Variants in NCOR1 observed in about 807,000 individuals in gnomAD.
The protein encoded by NCOR1 is protein phosphatase 1, regulatory subunit 109.
In NCOR1, 63 loss-of-function variants were observed where a neutral mutation model predicts 288.1. The observed-to-expected ratio is 0.22, with a 90% CI of 0.18 to 0.27. NCOR1 has a LOEUF of 0.27. Among genes scored for constraint, NCOR1 ranks in the 10% least tolerant of loss-of-function variants. The pLI, the probability that NCOR1 is intolerant of heterozygous loss-of-function variation, is 1.00. For synonymous variants in NCOR1, 1,007 were observed against 1,065.9 expected (o/e 0.94, Z 1.08); for missense variants, 2,397 against 3,019.2 (o/e 0.79, Z 4.83).
chr17:16,041,554 T>C lies in NCOR1; in HGVS notation c.6680-1060A>G, dbSNP rs1489288107. Among the ~76,000 whole-genome samples, 8 of 146,818 alleles carry C rather than the reference T, an allele frequency of 5.4e-5. No homozygotes were observed. In the East Asian group the frequency reaches 8.3e-4, roughly 15 times the overall value. ...TCAGCCTCCCGAGCAGCTGGGATTA[T>C]AGGCCCCCCGCCACCATGCCCAGCT... On this transcript the variant is annotated intron_variant, in intron 42 of 45. Coordinates refer to ENST00000268712, the MANE Select transcript of NCOR1 (RefSeq NM_006311.4).
chr17:16,139,333 T>C, intron 11 of NCOR1, 147 bp from the exon 12 acceptor site: 1 of 538,696 alleles, frequency 1.9e-6, no homozygotes, highest in East Asian at 2.8e-5. Context: ...TAACATACAA[T>C]AATTACTCAT....
At chr17:16,169,339 G>A (rs900625449) in intron 4 of NCOR1, among the ~76,000 whole-genome samples, 3 of 151,758 alleles carry the variant, frequency 2.0e-5, no homozygotes, top group Admixed American at 2.0e-4. Context: ...ATACAAATAG[G>A]GAAGAATCAA....
intron 19 of NCOR1, chr17:16,108,347 G>GT: frequency 4.4e-6 from 1 of 224,956 alleles, no homozygotes; most frequent in Non-Finnish European, 9.4e-6. Flanking sequence ...CTTAAGTTTC[G>GT]TGTTTTTTTT....
At chr17:16,194,695 T>A in intron 1 of NCOR1, 56 bp from the exon 2 acceptor site, 1 of 529,314 alleles carries the variant, frequency 1.9e-6, no homozygotes, top group Non-Finnish European at 3.4e-6. Flanking sequence ...CAAGTGTACT[T>A]CTAATAAATT....
chr17:16,032,843 G>C (rs560594534), intron 45 of NCOR1, among the ~76,000 whole-genome samples: 2 of 152,348 alleles, frequency 1.3e-5, no homozygotes, highest in African/African-American at 4.8e-5. Context: ...CAAGAGAAAT[G>C]CAAGAGTATA....
At position 16,067,997 on chromosome 17, in the gene NCOR1, C is replaced by G; in HGVS notation, c.4638G>C (p.Pro1546=). The G allele has an allele frequency of 6.2e-7, 1 of 1,614,204 alleles. No homozygotes were observed. The highest frequency in any genetic ancestry group is 8.5e-7 in the Non-Finnish European group (1 of 1,180,028). ...TGCTGCCTCTGTGATGGGGATCAAA[C>G]GGACTGTGGCTCACGACAGGGTCCA... ...PGVDPVVSHS[P]FDPHHRGSTA... is the part of the protein sequence containing the mutation. The change falls in exon 32 of 46, where the codon CCG becomes CCC. Residue 1546 remains proline, a synonymous_variant. Transcript: ENST00000268712.
Position 16,108,876 on chromosome 17 carries a change from G to T in NCOR1, c.2092C>A (p.Gln698Lys). Residue 698 changes from glutamine to lysine, a missense_variant, in exon 19 of 46, where the codon CAA becomes AAA. Gln to Lys is a moderately conservative substitution (Grantham distance 53). This residue lies in a region of NCOR1 where 1,872 missense variants were observed against 2,187.8 expected (regional missense o/e 0.86). Coordinates refer to ENST00000268712, the MANE Select transcript of NCOR1 (RefSeq NM_006311.4). ...ACAGTGGAAGCGACACTTTCACATT[G>T]AGACACATCTCGCTCTTCACGAGGT... Reference protein sequence around the residue: ...RKPREERDVSQCESVASTVSA... With the variant: ...RKPREERDVSKCESVASTVSA... 1 of 1,606,104 alleles carries T rather than the reference G, an allele frequency of 6.2e-7. No individual in the cohort carries two copies. The highest frequency in any genetic ancestry group is 8.5e-7 in the Non-Finnish European group (1 of 1,175,248).
rs373660118 is a variant in NCOR1 at position 16,186,144 on chromosome 17, G to T, written c.242+410C>A. Among the ~76,000 whole-genome samples the T allele has an allele frequency of 2.6e-5, 4 of 152,244 alleles. No homozygotes were observed. In the East Asian group the frequency reaches 7.7e-4, roughly 29 times the overall value. On this transcript the variant is annotated intron_variant, in intron 3 of 45. Coordinates refer to ENST00000268712, the MANE Select transcript of NCOR1 (RefSeq NM_006311.4). ...AGGGAAAACTAAAGCTTGAAGAGTT[G>T]AGATCAGTGACTGGCAACCCTAGCT...
chr17:16,159,170 T>C (rs2080311120), intron 5 of NCOR1, among the ~76,000 whole-genome samples: 2 of 151,926 alleles, frequency 1.3e-5, no homozygotes, highest in Non-Finnish European at 2.9e-5. Context: ...TCCCAGCACT[T>C]TGGGAGGCCT....
At chr17:16,212,259 CCT>C (rs1381553329) in intron 1 of NCOR1, among the ~76,000 whole-genome samples, 2 of 151,618 alleles carry the variant, frequency 1.3e-5, no homozygotes, top group East Asian at 3.9e-4. Flanking sequence ...AGAGCGAGAC[CCT>C]GTCTCAAAGG....
At chr17:16,037,770 A>G (rs926618625) in intron 44 of NCOR1, among the ~76,000 whole-genome samples, 1 of 152,206 alleles carries the variant, frequency 6.6e-6, no homozygotes, top group Non-Finnish European at 1.5e-5. Flanking sequence ...AGCCCTTTTG[A>G]TTTTTCCAGA....
At chr17:16,193,113 T>C (rs1298265230) in intron 2 of NCOR1, among the ~76,000 whole-genome samples, 1 of 152,234 alleles carries the variant, frequency 6.6e-6, no homozygotes, top group Non-Finnish European at 1.5e-5. Context: ...TTGTTCATCT[T>C]CATTTTCATG....
In NCOR1 at chr17:16,123,240, A is replaced by G. The variant is rs147412881; in HGVS notation, c.1635-1971T>C. Among the ~76,000 whole-genome samples, 827 of 152,252 alleles carry G rather than the reference A, an allele frequency of 5.4e-3. 6 individuals are homozygous for G. The highest frequency in any genetic ancestry group is 0.019 in the African/African-American group (784 of 41,536). On this transcript the variant is annotated intron_variant, in intron 15 of 45. Coordinates refer to ENST00000268712, the MANE Select transcript of NCOR1 (RefSeq NM_006311.4). ...ATCATCATTCAGGTTTACAGATTTG[A>G]TATCATCCTTTGCTGTCTCCCTCTT...
intron 14 of NCOR1, among the ~76,000 whole-genome samples, chr17:16,132,733 C>A (rs138004907): frequency 9.9e-4 from 149 of 151,228 alleles, no homozygotes; most frequent in African/African-American, 3.5e-3. Context: ...TTCCCTATAG[C>A]AACAGGTTTT....
At chr17:16,162,964 C>T (rs1334385748) in intron 5 of NCOR1, among the ~76,000 whole-genome samples, 1 of 152,052 alleles carries the variant, frequency 6.6e-6, no homozygotes, top group Non-Finnish European at 1.5e-5. Context: ...AGTAAAACTA[C>T]CTTAATAACC....
At chr17:16,050,924 C>G (rs943592180) in intron 40 of NCOR1, among the ~76,000 whole-genome samples, 1 of 152,186 alleles carries the variant, frequency 6.6e-6, no homozygotes. Context: ...GCCTCAACTT[C>G]TGCGCTCACG....
In NCOR1 at chr17:16,119,481, A is replaced by G. The variant is rs377635163; in HGVS notation, c.1857T>C (p.Ser619=). 1 of 1,599,822 alleles carries G rather than the reference A, an allele frequency of 6.3e-7. No individual in the cohort carries two copies. Among genetic ancestry groups the G allele is most frequent in the Non-Finnish European group, 8.5e-7 (1 of 1,174,050 alleles). The part of the protein sequence containing the change: ...PPLPPPPEPI[S]TEPVETSRWT... Reference sequence around the variant, plus strand: ...ATCGAGAGGTCTCCACAGGCTCTGTAGAAACTAAAATAAAGAGAGAACCCA... The same window carrying G: ...ATCGAGAGGTCTCCACAGGCTCTGTGGAAACTAAAATAAAGAGAGAACCCA... The change falls in exon 17 of 46, where the codon TCT becomes TCC. Residue 619 remains serine (S), a synonymous_variant. Coordinates refer to ENST00000268712, the MANE Select transcript of NCOR1 (RefSeq NM_006311.4).
chr17:16,106,876 TATATATA>T (rs200824647), intron 19 of NCOR1, among the ~76,000 whole-genome samples: 25 of 59,844 alleles, frequency 4.2e-4, no homozygotes, highest in African/African-American at 2.0e-3. Context: ...TATATATATA[TATATATA>T]TTTTTTTTTT....
At chr17:16,190,650 T>A (rs1055106538) in intron 2 of NCOR1, among the ~76,000 whole-genome samples, 1 of 152,096 alleles carries the variant, frequency 6.6e-6, no homozygotes, top group Non-Finnish European at 1.5e-5. Flanking sequence ...CAACACTCCC[T>A]GAAAGAATTT....
Sources: gnomAD v4.1 joint callset for allele counts (sites outside exome capture counted in the v4.1 genomes callset) on GRCh38, gnomAD v4.1.1 for gene constraint, gnomAD v4.1.1 regional missense constraint, MANE v1.5 for transcripts, NCBI Gene and HGNC (gene_info 2026-07-23, HGNC 2026-07-21) for gene names.